GULP1: variants seen among roughly 807,000 people sequenced by gnomAD.
The protein encoded by GULP1 is PTB domain-containing engulfment adapter protein 1.
A neutral mutation model predicts 40.9 loss-of-function variants in GULP1; 19 were observed. The ratio of observed to expected loss-of-function variants is 0.46; its 90% CI spans 0.32 to 0.68. The LOEUF is 0.68. Among genes scored for constraint, GULP1 ranks in the 30% least tolerant of loss-of-function variants. The pLI is 0.03. For synonymous variants in GULP1, 119 were observed against 117.6 expected, an observed-to-expected ratio of 1.01 and a Z score of -0.08; for missense variants, 312 against 362.2, an observed-to-expected ratio of 0.86 and a Z score of 1.12.
intron 9 of GULP1, among the ~76,000 whole-genome samples, chr2:188,577,715 A>C (rs904324214): frequency 6.6e-6 from 1 of 152,104 alleles, no homozygotes; most frequent in Non-Finnish European, 1.5e-5. Flanking sequence ...CAACTAAGAG[A>C]TCAGTATAAA....
At chr2:188,535,849 C>G (rs939736311) in intron 6 of GULP1, among the ~76,000 whole-genome samples, 1 of 152,108 alleles carries the variant, frequency 6.6e-6, no homozygotes, top group Non-Finnish European at 1.5e-5. Context: ...CATATCCTCA[C>G]CAGCATCTGT....
At chr2:188,566,161 C>T (rs2153423980) in intron 7 of GULP1, among the ~76,000 whole-genome samples, 1 of 152,124 alleles carries the variant, frequency 6.6e-6, no homozygotes, top group South Asian at 2.1e-4. Context: ...TTTTACCCCC[C>T]ACCTCCAAAA....
At chr2:188,434,769 A>G (rs575109803) in intron 2 of GULP1, among the ~76,000 whole-genome samples, 4 of 151,624 alleles carry the variant, frequency 2.6e-5, no homozygotes, top group African/African-American at 7.2e-5. Flanking sequence ...GTTTTTTCAT[A>G]TCTTCTATTT....
chr2:188,541,589 G>T, intron 7 of GULP1: 1 of 551,598 alleles, frequency 1.8e-6, no homozygotes, highest in Non-Finnish European at 3.2e-6. Context: ...TGTTATGCAT[G>T]TATTTTATAA....
chr2:188,498,984 A>G (rs1227769318), intron 4 of GULP1, among the ~76,000 whole-genome samples: 4 of 151,228 alleles, frequency 2.6e-5, no homozygotes, highest in African/African-American at 9.7e-5. Context: ...CAAATTAGAC[A>G]TTCTCTTCCT....
intron 2 of GULP1, among the ~76,000 whole-genome samples, chr2:188,394,444 A>C (rs572659037): frequency 6.2e-4 from 95 of 152,264 alleles, no homozygotes; most frequent in Non-Finnish European, 1.2e-3. Flanking sequence ...AATTTAAAAA[A>C]AAATTAAGTT....
chr2:188,480,955 A>G (rs2061403116), intron 3 of GULP1, among the ~76,000 whole-genome samples: 1 of 151,922 alleles, frequency 6.6e-6, no homozygotes, highest in Admixed American at 6.6e-5. Flanking sequence ...TTTAAATTTA[A>G]TGTACTCAAA....
At chr2:188,330,316 A>G (rs1344366141) in intron 1 of GULP1, among the ~76,000 whole-genome samples, 1 of 152,204 alleles carries the variant, frequency 6.6e-6, no homozygotes, top group Non-Finnish European at 1.5e-5. Context: ...TGACATGTCT[A>G]TGTAAACTCA....
At chr2:188,478,749 A>T (rs80227935) in intron 3 of GULP1, among the ~76,000 whole-genome samples, 448 of 152,264 alleles carry the variant, frequency 2.9e-3, no homozygotes, top group Non-Finnish European at 5.1e-3. Flanking sequence ...GCTGAAGAAT[A>T]AAGTCAACAG....
At chr2:188,367,439 AT>A (rs2046958980) in intron 1 of GULP1, among the ~76,000 whole-genome samples, 1 of 152,160 alleles carries the variant, frequency 6.6e-6, no homozygotes, top group African/African-American at 2.4e-5. Context: ...GGAGTCCCCG[AT>A]GGAGCAATAG....
chr2:188,489,703 G>A (rs138450660), intron 4 of GULP1, among the ~76,000 whole-genome samples: 137 of 152,084 alleles, frequency 9.0e-4, no homozygotes, highest in African/African-American at 3.1e-3. Flanking sequence ...ATACTGACAC[G>A]TGTTTAAAAG....
chr2:188,569,596 C>G (rs1487422489), intron 8 of GULP1: 3 of 444,090 alleles, frequency 6.8e-6, no homozygotes, highest in Non-Finnish European at 1.2e-5. Flanking sequence ...TGCTTCACTT[C>G]CTGATGCTTC....
chr2:188,494,208 C>G (rs1213771471), intron 4 of GULP1, among the ~76,000 whole-genome samples: 2 of 151,986 alleles, frequency 1.3e-5, no homozygotes, highest in Admixed American at 1.3e-4. Context: ...AAACACTCTT[C>G]CACAGGTATC....
At chr2:188,429,234 G>GGCT (rs1478318595) in intron 2 of GULP1, among the ~76,000 whole-genome samples, 1 of 152,098 alleles carries the variant, frequency 6.6e-6, no homozygotes, top group Admixed American at 6.6e-5. Context: ...TGGGTGTGCT[G>GGCT]GCTGTCACCT....
intron 1 of GULP1, among the ~76,000 whole-genome samples, chr2:188,357,006 A>G (rs1023072036): frequency 6.6e-6 from 1 of 152,180 alleles, no homozygotes; most frequent in African/African-American, 2.4e-5. Flanking sequence ...GGATATCCAC[A>G]TGCAGAAAAA....
At chr2:188,513,554 C>T (rs1201304434) in intron 4 of GULP1, among the ~76,000 whole-genome samples, 1 of 152,028 alleles carries the variant, frequency 6.6e-6, no homozygotes. Context: ...TTTAAGAAAG[C>T]CACTTCTTGG....
At chr2:188,564,027 G>A (rs76787672) in intron 7 of GULP1, among the ~76,000 whole-genome samples, 3,185 of 152,018 alleles carry the variant, frequency 0.021, 103 homozygotes, top group African/African-American at 0.073. Context: ...TAACACAGTA[G>A]TTTCAGCAAG....
intron 1 of GULP1, among the ~76,000 whole-genome samples, chr2:188,316,562 G>A (rs1053094732): frequency 5.3e-5 from 8 of 152,020 alleles, no homozygotes; most frequent in South Asian, 2.1e-4. Context: ...TTCACACAGC[G>A]CCCTGACTGC....
chr2:188,376,600 TAA>T (rs936874840), intron 1 of GULP1, among the ~76,000 whole-genome samples: 2 of 152,132 alleles, frequency 1.3e-5, no homozygotes, highest in Non-Finnish European at 2.9e-5. Context: ...AAAAGGAAAA[TAA>T]AAGTTATAAA....
Sources: allele counts gnomAD v4.1 joint callset (sites outside exome capture counted in the v4.1 genomes callset), GRCh38; gene constraint gnomAD v4.1.1; transcripts MANE v1.5; gene names NCBI Gene and HGNC (gene_info 2026-07-23, HGNC 2026-07-21).